RPP14: variants seen among roughly 807,000 people sequenced by gnomAD.
The protein encoded by RPP14 is ribonuclease P protein subunit p14.
In RPP14, 19 loss-of-function variants were observed where a neutral mutation model predicts 17.8. That is an observed-to-expected ratio of 1.07 (90% CI 0.74 to 1.57). RPP14 has a LOEUF of 1.57. RPP14 is among the 40% of genes most tolerant of loss of function. The pLI is 0.00. For synonymous variants in RPP14, 60 were observed against 56.4 expected, an observed-to-expected ratio of 1.06 and a Z score of -0.29; for missense variants, 125 against 140.8, an observed-to-expected ratio of 0.89 and a Z score of 0.57.
At chr3:58,317,235 T>G (rs530152036) in intron 5 of RPP14, among the ~76,000 whole-genome samples, 2 of 152,358 alleles carry the variant, frequency 1.3e-5, no homozygotes, top group Admixed American at 1.3e-4. Context: ...CTTTTTTTAT[T>G]TAACACTTAA....
At chr3:58,312,416 C>G (rs539478201) in intron 3 of RPP14, among the ~76,000 whole-genome samples, 9 of 149,310 alleles carry the variant, frequency 6.0e-5, no homozygotes, top group Non-Finnish European at 1.0e-4. Context: ...CCTGCCACCA[C>G]GCCCAGCTAA....
Position 58,312,334 on chromosome 3 carries a change from A to ACCC in RPP14, c.162+1750_162+1752dup, listed in dbSNP as rs76719108. On this transcript the variant is annotated intron_variant, in intron 3 of 5. Transcript: ENST00000295959. The stretch of plus-strand genomic sequence containing the variant: ...TGGAGTGCAGTGGCACAACCTCCGC[A>ACCC]CCCCCCCCCGCCCCTCCCGGATTCA... Among the ~76,000 whole-genome samples the ACCC allele has an allele frequency of 9.5e-3, 659 of 69,534 alleles. 17 individuals are homozygous for ACCC. The highest frequency in any genetic ancestry group is 0.048 in the East Asian group (33 of 688). 45.6% of individuals were successfully genotyped at this position (69,534 alleles called of 152,430 possible). A position where few individuals can be genotyped will look rare whatever the true frequency, so the allele number is the denominator to read the frequency against.
rs1262626212 is a variant in RPP14 at position 58,319,663 on chromosome 3, TAAG to T, written c.*2172_*2174del. 4 of 151,988 alleles carry T rather than the reference TAAG, an allele frequency of 2.6e-5. No individual in the cohort carries two copies. Among genetic ancestry groups the T allele is most frequent in the South Asian group, 2.1e-4 (1 of 4,816 alleles). 9.4% of individuals were successfully genotyped at this position (151,988 alleles called of 1,614,324 possible). On this transcript the variant is annotated 3_prime_UTR_variant, in exon 6 of 6. Coordinates refer to ENST00000295959, the MANE Select transcript of RPP14 (RefSeq NM_007042.6). ...AAAAAAAATTGTAAGAAATAAATAT[TAAG>T]AAGATTATGGAGGCCAAATTCTTAA...
intron 4 of RPP14, 79 bp from the exon 5 acceptor site, chr3:58,316,836 A>C: frequency 8.1e-7 from 1 of 1,233,176 alleles, no homozygotes; most frequent in East Asian, 2.3e-5. Context: ...GTCAGAAGTG[A>C]ATATTTTAGA....
intron 3 of RPP14, among the ~76,000 whole-genome samples, chr3:58,313,002 G>C (rs560063586): frequency 5.8e-5 from 8 of 137,558 alleles, no homozygotes; most frequent in African/African-American, 2.2e-4. Context: ...GGTAGCTCAC[G>C]CCTGTAATCC....
In RPP14 at chr3:58,310,479, T is replaced by A. The variant is rs766770411; in HGVS notation, c.78-28T>A. On this transcript the variant is annotated intron_variant, in intron 2 of 5. Transcript: ENST00000295959. ...AATCTGAATAGAATGAAATTTAATA[T>A]GACTTTTTTTTTTTTCACTTTTTTT... is the stretch of plus-strand genomic sequence containing the variant. The A allele has an allele frequency of 2.6e-6, 4 of 1,563,090 alleles. No individual in the cohort carries two copies. The South Asian group carries it at 4.6e-5, about 18-fold the overall frequency.
At chr3:58,306,785 T>TA (rs2097475480) in intron 1 of RPP14, 1 of 152,070 alleles carries the variant, frequency 6.6e-6, no homozygotes, top group Admixed American at 6.5e-5. Context: ...CACGACCCAG[T>TA]GTTTTAGGGC....
intron 3 of RPP14, among the ~76,000 whole-genome samples, chr3:58,316,206 G>A (rs2097488159): frequency 6.6e-6 from 1 of 152,200 alleles, no homozygotes. Flanking sequence ...AGGGAATTAT[G>A]AAAGAGAAAG....
Position 58,318,178 on chromosome 3 carries a change from G to T in RPP14, c.*682G>T. On this transcript the variant is annotated 3_prime_UTR_variant, in exon 6 of 6. Coordinates refer to ENST00000295959, the MANE Select transcript of RPP14 (RefSeq NM_007042.6). ...CAATGCTGTTGTTAAAGAGCCTATG[G>T]GGAATTGCTGCTCTTTACCAAAGAA... 1.7e-6 allele frequency: 1 copy of T among 605,602 alleles called. No individual in the cohort carries two copies. Among genetic ancestry groups the T allele is most frequent in the South Asian group, 2.0e-5 (1 of 49,444 alleles). The allele number at this position is 605,602 out of a possible 1,614,324, so 37.5% of individuals were successfully genotyped here.
intron 3 of RPP14, 155 bp from the exon 4 acceptor site, chr3:58,316,360 G>A (rs1021133045): frequency 4.7e-6 from 3 of 634,394 alleles, no homozygotes; most frequent in East Asian, 2.8e-5. Context: ...CTAGGCAGGG[G>A]GAGCTGTAAG....
chr3:58,318,068 CTG>C lies in RPP14; in HGVS notation c.*574_*575del. The C allele has an allele frequency of 1.5e-6, 1 of 685,624 alleles. No individual in the cohort carries two copies. The highest frequency in any genetic ancestry group is 2.6e-6 in the Non-Finnish European group (1 of 379,420). 42.5% of individuals were successfully genotyped at this position (685,624 alleles called of 1,614,324 possible). A position where few individuals can be genotyped will look rare whatever the true frequency, so the allele number is the denominator to read the frequency against. On this transcript the variant is annotated 3_prime_UTR_variant, in exon 6 of 6. Coordinates refer to ENST00000295959, the MANE Select transcript of RPP14 (RefSeq NM_007042.6). ...TGTTCTGTAATAGAAAGTAAAAAGA[CTG>C]TTATGGAAGGCTGGGTTAAAGTTAT...
intron 5 of RPP14, 127 bp downstream of exon 5, chr3:58,317,120 A>T: frequency 1.4e-6 from 1 of 692,364 alleles, no homozygotes; most frequent in Non-Finnish European, 2.4e-6. Context: ...GTAGGGGAAA[A>T]TAAAGGACTT....
At chr3:58,306,836 G>A (rs1321959319) in intron 1 of RPP14, among the ~76,000 whole-genome samples, 1 of 152,080 alleles carries the variant, frequency 6.6e-6, no homozygotes, top group Non-Finnish European at 1.5e-5. Context: ...GATTCTTGGA[G>A]TGGACTTTTG....
intron 3 of RPP14, among the ~76,000 whole-genome samples, chr3:58,312,125 A>G (rs2097482902): frequency 6.6e-6 from 1 of 152,140 alleles, no homozygotes; most frequent in South Asian, 2.1e-4. Flanking sequence ...AAGCACTGGG[A>G]TTACAGACAT....
Position 58,316,608 on chromosome 3 carries a change from G to A in RPP14, c.239+17G>A, listed in dbSNP as rs551906402. The A allele has an allele frequency of 1.2e-6, 2 of 1,600,364 alleles. 1 individual carries two copies. Among genetic ancestry groups the A allele is most frequent in the South Asian group, 2.2e-5 (2 of 90,746 alleles). Reference sequence around the variant, plus strand: ...ATGTAGCAGGTATGACAGAGAGTGGGAAATTTCTAGTATAACAGGGCAGAG... The same window carrying A: ...ATGTAGCAGGTATGACAGAGAGTGGAAAATTTCTAGTATAACAGGGCAGAG... On this transcript the variant is annotated intron_variant, in intron 4 of 5. Coordinates refer to ENST00000295959, the MANE Select transcript of RPP14 (RefSeq NM_007042.6).
intron 3 of RPP14, among the ~76,000 whole-genome samples, chr3:58,312,686 C>T (rs11715290): frequency 0.07 from 10,572 of 152,054 alleles, 479 homozygotes; most frequent in Middle Eastern, 0.088. Context: ...ATGGGCCAGG[C>T]GCAGTGGCTC....
chr3:58,318,345 G>A lies in RPP14; in HGVS notation c.*849G>A, dbSNP rs1484882499. 4.8e-6 allele frequency: 2 copies of A among 419,884 alleles called. No individual in the cohort carries two copies. Among genetic ancestry groups the A allele is most frequent in the Non-Finnish European group, 8.4e-6 (2 of 238,442 alleles). 26.0% of individuals were successfully genotyped at this position (419,884 alleles called of 1,614,324 possible). On this transcript the variant is annotated 3_prime_UTR_variant, in exon 6 of 6. Coordinates refer to ENST00000295959, the MANE Select transcript of RPP14 (RefSeq NM_007042.6). ...ATTTCATTATCTGCCTGGGTTTTTT[G>A]TTTGTTTTTTGTTTTTTAATTCAAG...
chr3:58,315,881 G>C (rs1024463446), intron 3 of RPP14: 1 of 152,242 alleles, frequency 6.6e-6, no homozygotes, highest in African/African-American at 2.4e-5. Context: ...TCTCCGTGTT[G>C]ATCAGGCTGG....
intron 1 of RPP14, among the ~76,000 whole-genome samples, chr3:58,309,079 G>T (rs2097479045): frequency 6.6e-6 from 1 of 152,192 alleles, no homozygotes; most frequent in Admixed American, 6.5e-5. Context: ...AGATAGTCTT[G>T]CACAGACCTG....
Sources: gnomAD v4.1 joint callset for allele counts (sites outside exome capture counted in the v4.1 genomes callset) on GRCh38, gnomAD v4.1.1 for gene constraint, MANE v1.5 for transcripts, NCBI Gene and HGNC (gene_info 2026-07-23, HGNC 2026-07-21) for gene names.